The following AIMP2 variants were observed in gnomAD, a reference collection of about 807,000 sequenced individuals.
AIMP2 encodes the protein aminoacyl tRNA synthase complex-interacting multifunctional protein 2.
In AIMP2, 20 loss-of-function variants were observed where a neutral mutation model predicts 23.4. That is an observed-to-expected ratio of 0.85 (90% CI 0.60 to 1.24). The LOEUF (loss-of-function observed/expected upper bound fraction) is 1.24. AIMP2 is among the 50% of genes most tolerant of loss of function. The probability of loss-of-function intolerance (pLI) is 0.00; values close to 1 mark genes in which losing one functional copy is unlikely to be tolerated. For synonymous variants in AIMP2, 210 were observed against 170.4 expected, an observed-to-expected ratio of 1.23 and a Z score of -1.81; for missense variants, 515 against 414.5, an observed-to-expected ratio of 1.24 and a Z score of -2.10.
Position 6,023,531 on chromosome 7 carries a change from G to A in AIMP2, c.803G>A (p.Trp268Ter). The change falls in exon 4 of 4, where the codon TGG becomes TAG. Residue 268 changes from tryptophan to a stop codon, truncating the protein, a stop_gained. Transcript: ENST00000223029. LOFTEE classifies it high-confidence loss of function. Reference protein sequence around the residue: ...SMNSALGKSPWLAGNELTVAD... With the variant: ...SMNSALGKSP ...AACTCTGCTCTTGGGAAGAGCCCTTGGCTCGCTGGGAATGAACTCACCGTA... is the reference window on the plus strand; with the variant it reads ...AACTCTGCTCTTGGGAAGAGCCCTTAGCTCGCTGGGAATGAACTCACCGTA... 1.9e-6 allele frequency: 3 copies of A among 1,614,232 alleles called. No homozygotes were observed. Among genetic ancestry groups the A allele is most frequent in the Non-Finnish European group, 1.7e-6 (2 of 1,180,040 alleles).
intron 3 of AIMP2, among the ~76,000 whole-genome samples, chr7:6,018,880 AG>A (rs1787202380): frequency 6.6e-6 from 1 of 152,060 alleles, no homozygotes; most frequent in Non-Finnish European, 1.5e-5. Flanking sequence ...AAAAGATATG[AG>A]GCATAAAATA....
In AIMP2 at chr7:6,019,504, G is replaced by A. The variant is rs1051680554; in HGVS notation, c.574+1459G>A. Among the ~76,000 whole-genome samples the A allele has an allele frequency of 7.6e-4, 100 of 130,726 alleles. 1 individual carries two copies. Among genetic ancestry groups the A allele is most frequent in the Non-Finnish European group, 1.2e-3 (70 of 58,922 alleles). 85.8% of individuals were successfully genotyped at this position (130,726 alleles called of 152,430 possible). ...CGTCTCAAAAAAAAAAAAAAAAAAAGAGATCTCTTGAGGTTCTTGGCTATT... is the reference window on the plus strand; with the variant it reads ...CGTCTCAAAAAAAAAAAAAAAAAAAAAGATCTCTTGAGGTTCTTGGCTATT... On this transcript the variant is annotated intron_variant, in intron 3 of 3. Transcript: ENST00000223029.
chr7:6,014,385 G>A (rs964335260), intron 1 of AIMP2, among the ~76,000 whole-genome samples: 20 of 150,162 alleles, frequency 1.3e-4, no homozygotes, highest in African/African-American at 4.6e-4. Context: ...AGCCTCCTGA[G>A]TAGCTGGGAC....
chr7:6,021,515 G>A (rs922466041), intron 3 of AIMP2, among the ~76,000 whole-genome samples: 1 of 152,018 alleles, frequency 6.6e-6, no homozygotes, highest in Non-Finnish European at 1.5e-5. Context: ...TAGGATTTAC[G>A]ACAATCAAGG....
intron 3 of AIMP2, among the ~76,000 whole-genome samples, chr7:6,020,542 G>A (rs1445262259): frequency 6.6e-6 from 1 of 152,240 alleles, no homozygotes; most frequent in Non-Finnish European, 1.5e-5. Context: ...TGAAGCCAAA[G>A]GATGGTGAAA....
chr7:6,009,649 T>G, intron 1 of AIMP2, 151 bp downstream of exon 1: 2 of 673,912 alleles, frequency 3.0e-6, no homozygotes, highest in Non-Finnish European at 4.3e-6. Context: ...CAGACTTTTA[T>G]GTTTTAAAAG....
rs781559355 is a variant in AIMP2, at chr7:6,023,289, T to A, written c.575-14T>A. 6.4e-7 allele frequency: 1 copy of A among 1,574,270 alleles called. No homozygotes were observed. Among genetic ancestry groups the A allele is most frequent in the Non-Finnish European group, 8.6e-7 (1 of 1,164,142 alleles). ...TGCTCTGGTGATGCTACCTGGCGTG[T>A]TTTTTCTTTTCAGTGCCGAAGACGC... On this transcript the variant is annotated splice_polypyrimidine_tract_variant and intron_variant, in intron 3 of 3. Transcript: ENST00000223029.
intron 1 of AIMP2, among the ~76,000 whole-genome samples, chr7:6,010,173 C>CT (rs1240972598): frequency 1.3e-5 from 2 of 150,426 alleles, no homozygotes; most frequent in Non-Finnish European, 3.0e-5. Context: ...CATATTTTTT[C>CT]TTTTTTTAAT....
intron 1 of AIMP2, among the ~76,000 whole-genome samples, chr7:6,011,968 C>T (rs1230991460): frequency 6.6e-6 from 1 of 152,178 alleles, no homozygotes; most frequent in Admixed American, 6.6e-5. Context: ...CATAAAACAT[C>T]TTGGCCAGGC....
intron 3 of AIMP2, 96 bp from the exon 4 acceptor site, chr7:6,023,207 G>T (rs1787561947): frequency 2.2e-6 from 3 of 1,373,536 alleles, no homozygotes; most frequent in African/African-American, 2.9e-5. Flanking sequence ...CATGTCATCA[G>T]TCTGTGGTGT....
chr7:6,009,966 A>ATATATATATAT (rs1162854647), intron 1 of AIMP2, among the ~76,000 whole-genome samples: 5 of 40,204 alleles, frequency 1.2e-4, no homozygotes, highest in African/African-American at 3.8e-4. Flanking sequence ...AAAAAAAAAA[A>ATATATATATAT]AAAAAAAAAT....
At chr7:6,019,118 C>G (rs1362420162) in intron 3 of AIMP2, among the ~76,000 whole-genome samples, 1 of 151,522 alleles carries the variant, frequency 6.6e-6, no homozygotes, top group South Asian at 2.1e-4. Flanking sequence ...ACAGCCGCCT[C>G]CAGCGTGGGG....
chr7:6,009,974 A>AAAAAAAAT, intron 1 of AIMP2, among the ~76,000 whole-genome samples: 2 of 26,674 alleles, frequency 7.5e-5, no homozygotes, highest in African/African-American at 1.4e-4. Context: ...AAAAAAAAAA[A>AAAAAAAAT]ATATATATAT....
intron 2 of AIMP2, among the ~76,000 whole-genome samples, chr7:6,016,308 G>T (rs1325876531): frequency 6.6e-6 from 1 of 152,186 alleles, no homozygotes; most frequent in African/African-American, 2.4e-5. Context: ...TTTATTTGAG[G>T]ATGCAAAAGG....
chr7:6,009,943 CTA>C (rs1786453718), intron 1 of AIMP2, among the ~76,000 whole-genome samples: 1 of 53,644 alleles, frequency 1.9e-5, no homozygotes, highest in Admixed American at 2.4e-4. Context: ...GAGCTAAACT[CTA>C]TCTCAAAAAA....
chr7:6,009,347 T>A lies in AIMP2; in HGVS notation c.-17T>A, dbSNP rs1786341861. ...TGGCCTTTGGCACGCGCTACCCCCT[T>A]TTGCTTTGGTTCTGCCATGCCGATG... On this transcript the variant is annotated 5_prime_UTR_variant, in exon 1 of 4. Transcript: ENST00000223029. 6.2e-7 allele frequency: 1 copy of A among 1,611,730 alleles called. No homozygotes were observed. The highest frequency in any genetic ancestry group is 8.5e-7 in the Non-Finnish European group (1 of 1,179,956).
At position 6,023,292 on chromosome 7, in the gene AIMP2, T is replaced by A; in HGVS notation, c.575-11T>A. ...TCTGGTGATGCTACCTGGCGTGTTT[T>A]TTCTTTTCAGTGCCGAAGACGCAGA... On this transcript the variant is annotated splice_polypyrimidine_tract_variant and intron_variant, in intron 3 of 3. Transcript: ENST00000223029. The A allele has an allele frequency of 8.9e-6, 14 of 1,578,790 alleles. 1 individual carries two copies. The Middle Eastern group carries it at 2.4e-3, about 276-fold the overall frequency.
intron 2 of AIMP2, 127 bp from the exon 3 acceptor site, chr7:6,017,687 G>A (rs1007783722): frequency 2.5e-5 from 19 of 761,968 alleles, no homozygotes; most frequent in African/African-American, 1.2e-4. Flanking sequence ...TGGAGATGAC[G>A]CTAGTGCCGT....
chr7:6,012,634 T>C (rs1284021160), intron 1 of AIMP2: 2 of 314,258 alleles, frequency 6.4e-6, no homozygotes, highest in African/African-American at 4.3e-5. Context: ...CTCAGCTCAC[T>C]GCAGCCACTG....
Sources: allele counts gnomAD v4.1 joint callset (sites outside exome capture counted in the v4.1 genomes callset), GRCh38; gene constraint gnomAD v4.1.1; transcripts MANE v1.5; gene names NCBI Gene and HGNC (gene_info 2026-07-23, HGNC 2026-07-21).